The following CADM1 variants were observed in gnomAD, a reference collection of about 807,000 sequenced individuals.
The protein encoded by CADM1 is cell adhesion molecule 1.
A neutral mutation model predicts 53.1 loss-of-function variants in CADM1; 15 were observed. That is an observed-to-expected ratio of 0.28 (90% CI 0.19 to 0.44). CADM1 has a LOEUF of 0.44. Among genes scored for constraint, CADM1 ranks in the 20% least tolerant of loss-of-function variants. CADM1 has a pLI of 1.00. For synonymous variants in CADM1, 281 were observed against 243.0 expected, an observed-to-expected ratio of 1.16 and a Z score of -1.45; for missense variants, 434 against 611.3, an observed-to-expected ratio of 0.71 and a Z score of 3.06.
At chr11:115,325,053 A>C (rs542153951) in intron 1 of CADM1, among the ~76,000 whole-genome samples, 1 of 152,334 alleles carries the variant, frequency 6.6e-6, no homozygotes, top group South Asian at 2.1e-4. Flanking sequence ...AAGGTTCGTT[A>C]GAGCATCTAT....
intron 1 of CADM1, among the ~76,000 whole-genome samples, chr11:115,277,566 AG>A (rs1270038591): frequency 1.3e-5 from 2 of 152,220 alleles, no homozygotes; most frequent in Non-Finnish European, 2.9e-5. Flanking sequence ...ATGAGAGGAA[AG>A]AAGCTCTTCT....
rs1318343470 is a variant in CADM1, at chr11:115,174,039, A to G, written c.*2435T>C. 2 of 975,790 alleles carry G rather than the reference A, an allele frequency of 2.0e-6. No individual in the cohort carries two copies. The highest frequency in any genetic ancestry group is 2.3e-4 in the East Asian group (2 of 8,764). The allele number at this position is 975,790 out of a possible 1,614,324, so 60.4% of individuals were successfully genotyped here. Reference sequence around the variant, plus strand: ...AAACCAATATACAACTAAAATCCATAATTTCCTGTTTTTGCTTTGTTTTAT... The same window carrying G: ...AAACCAATATACAACTAAAATCCATGATTTCCTGTTTTTGCTTTGTTTTAT... On this transcript the variant is annotated 3_prime_UTR_variant, in exon 12 of 12. Coordinates refer to ENST00000331581, the MANE Select transcript of CADM1 (RefSeq NM_001301043.2).
At chr11:115,367,180 T>A (rs1045499751) in intron 1 of CADM1, among the ~76,000 whole-genome samples, 1 of 152,206 alleles carries the variant, frequency 6.6e-6, no homozygotes, top group Non-Finnish European at 1.5e-5. Context: ...CGCCTGTGAA[T>A]AGCCACCGCA....
chr11:115,444,908 G>A (rs1415192837), intron 1 of CADM1, among the ~76,000 whole-genome samples: 1 of 152,208 alleles, frequency 6.6e-6, no homozygotes, highest in Non-Finnish European at 1.5e-5. Flanking sequence ...AAAGTTTGTT[G>A]TTGCTGTGAC....
chr11:115,349,535 T>G (rs1013416), intron 1 of CADM1, among the ~76,000 whole-genome samples: 41,332 of 152,140 alleles, frequency 0.27, 6,243 homozygotes, highest in East Asian at 0.47. Flanking sequence ...CTCAGCTGAC[T>G]AATGCACAAT....
intron 1 of CADM1, among the ~76,000 whole-genome samples, chr11:115,269,485 A>G (rs1943239576): frequency 6.6e-6 from 1 of 152,184 alleles, no homozygotes; most frequent in African/African-American, 2.4e-5. Flanking sequence ...TATGCTCCCA[A>G]TTAGTTATTC....
At chr11:115,254,953 G>T (rs892923773) in intron 1 of CADM1, among the ~76,000 whole-genome samples, 8 of 152,132 alleles carry the variant, frequency 5.3e-5, no homozygotes, top group African/African-American at 1.9e-4. Flanking sequence ...TGTAGAGAGG[G>T]ATGGGAGGCT....
In CADM1 at chr11:115,468,039, C is replaced by T. The variant is rs562302712; in HGVS notation, c.124+36232G>A. Among the ~76,000 whole-genome samples the T allele has an allele frequency of 3.6e-4, 55 of 152,258 alleles. No homozygotes were observed. In the South Asian group the frequency reaches 4.8e-3, roughly 13 times the overall value. Reference sequence around the variant, plus strand: ...ATAACCAGGTGCTACACTCAGCTTACGGTTTGCATATAGAAAAAGATGTAA... The same window carrying T: ...ATAACCAGGTGCTACACTCAGCTTATGGTTTGCATATAGAAAAAGATGTAA... On this transcript the variant is annotated intron_variant, in intron 1 of 11. Transcript: ENST00000331581.
At chr11:115,206,740 A>G (rs1422296553) in intron 8 of CADM1, among the ~76,000 whole-genome samples, 2 of 113,858 alleles carry the variant, frequency 1.8e-5, no homozygotes, top group Non-Finnish European at 3.3e-5. Flanking sequence ...CAGAAAAGAA[A>G]TAGATGACTG....
At chr11:115,348,581 G>A (rs906340101) in intron 1 of CADM1, among the ~76,000 whole-genome samples, 3 of 152,080 alleles carry the variant, frequency 2.0e-5, no homozygotes, top group Admixed American at 6.5e-5. Context: ...TATATTCACC[G>A]GTGCCAATTT....
At chr11:115,220,307 C>T (rs952321661) in intron 5 of CADM1, among the ~76,000 whole-genome samples, 3 of 152,146 alleles carry the variant, frequency 2.0e-5, no homozygotes, top group Admixed American at 6.6e-5. Flanking sequence ...TTCAGTACCA[C>T]TGAGTTTTAG....
intron 1 of CADM1, among the ~76,000 whole-genome samples, chr11:115,355,118 CAA>C (rs1199028817): frequency 6.6e-6 from 1 of 152,128 alleles, no homozygotes; most frequent in Non-Finnish European, 1.5e-5. Context: ...GGAAATCATT[CAA>C]AAGTCATCTC....
At position 115,305,452 on chromosome 11, in the gene CADM1, A is replaced by G. The variant is rs1944338692; in HGVS notation, c.125-65032T>C. On this transcript the variant is annotated intron_variant, in intron 1 of 11. Coordinates refer to ENST00000331581, the MANE Select transcript of CADM1 (RefSeq NM_001301043.2). ...TTTCAGTCCTCTGCTTCCTCTAGTCAGTTTTTGCTTTTTTGTCCTTTTGGT... is the reference window on the plus strand; with the variant it reads ...TTTCAGTCCTCTGCTTCCTCTAGTCGGTTTTTGCTTTTTTGTCCTTTTGGT... Among the ~76,000 whole-genome samples the G allele has an allele frequency of 4.0e-5, 6 of 151,870 alleles. No individual in the cohort carries two copies. The South Asian group carries it at 1.2e-3, about 32-fold the overall frequency.
At chr11:115,423,031 T>G (rs1310463689) in intron 1 of CADM1, among the ~76,000 whole-genome samples, 1 of 63,182 alleles carries the variant, frequency 1.6e-5, no homozygotes, top group Non-Finnish European at 5.2e-5. Context: ...CTACGGTCTG[T>G]TTTTTTTTTT....
chr11:115,321,424 A>G (rs1305889095), intron 1 of CADM1, among the ~76,000 whole-genome samples: 1 of 152,168 alleles, frequency 6.6e-6, no homozygotes, highest in Non-Finnish European at 1.5e-5. Context: ...ACATAATAAA[A>G]CAACCTGACA....
chr11:115,349,052 T>A (rs1945657257), intron 1 of CADM1, among the ~76,000 whole-genome samples: 1 of 152,212 alleles, frequency 6.6e-6, no homozygotes, highest in African/African-American at 2.4e-5. Context: ...AGACATGCAA[T>A]CAACTCTGTC....
Position 115,172,346 on chromosome 11 carries a change from C to T in CADM1, c.*4128G>A, listed in dbSNP as rs567479023. The stretch of plus-strand genomic sequence containing the variant: ...CTGCCCGGACTTTTCAGTACAGCCA[C>T]AAGACCCATCCCACCCTGCACACGG... On this transcript the variant is annotated 3_prime_UTR_variant, in exon 12 of 12. Transcript: ENST00000331581. The T allele has an allele frequency of 6.6e-6, 1 of 152,428 alleles. No individual in the cohort carries two copies. The highest frequency in any genetic ancestry group is 2.4e-5 in the African/African-American group (1 of 41,568). 9.4% of individuals were successfully genotyped at this position (152,428 alleles called of 1,614,324 possible).
At chr11:115,462,429 C>G (rs1325649973) in intron 1 of CADM1, among the ~76,000 whole-genome samples, 2 of 152,114 alleles carry the variant, frequency 1.3e-5, no homozygotes, top group Non-Finnish European at 2.9e-5. Context: ...GACAGAGTGA[C>G]GCTCCTTTGG....
intron 1 of CADM1, among the ~76,000 whole-genome samples, chr11:115,278,783 G>A (rs531832803): frequency 6.6e-6 from 1 of 152,200 alleles, no homozygotes; most frequent in Non-Finnish European, 1.5e-5. Context: ...CTGAACCAGG[G>A]AGGGAGGAGC....
Sources: gnomAD v4.1 joint callset for allele counts (sites outside exome capture counted in the v4.1 genomes callset) on GRCh38, gnomAD v4.1.1 for gene constraint, MANE v1.5 for transcripts, NCBI Gene and HGNC (gene_info 2026-07-23, HGNC 2026-07-21) for gene names.